GASK1A: variants seen among roughly 807,000 people sequenced by gnomAD.
The protein encoded by GASK1A is Golgi-associated kinase 1A.
Under a neutral mutation model 41.2 loss-of-function variants are expected in GASK1A, and 40 were observed. That is an observed-to-expected ratio of 0.97 (90% CI 0.75 to 1.27). GASK1A has a LOEUF of 1.27. GASK1A is among the 50% of genes most tolerant of loss of function. The pLI is 0.00. For synonymous variants in GASK1A, 316 were observed against 307.1 expected (o/e 1.03, Z -0.30); for missense variants, 678 against 745.1 (o/e 0.91, Z 1.05).
intron 1 of GASK1A, among the ~76,000 whole-genome samples, chr3:43,014,730 G>A (rs2089481227): frequency 6.6e-6 from 1 of 152,154 alleles, no homozygotes; most frequent in African/African-American, 2.4e-5. Context: ...GAAGTCACAG[G>A]CAGGGTTCTG....
chr3:43,033,457 G>A lies in GASK1A; in HGVS notation c.1194G>A (p.Leu398=). ...TGGGCTGGCTGCAGTATCAGGCCCT[G>A]CTGGCACACAGCTGCAACTGGCCAG... ...LALGWLQYQA[L]LAHSCNWPGQ... Residue 398 remains leucine (L), a synonymous_variant, in exon 2 of 5, where the codon CTG becomes CTA. Transcript: ENST00000430121. The A allele has an allele frequency of 1.3e-6, 2 of 1,551,124 alleles. No individual in the cohort carries two copies. The highest frequency in any genetic ancestry group is 1.7e-6 in the Non-Finnish European group (2 of 1,146,986).
At chr3:43,000,202 C>T (rs956301355) in intron 1 of GASK1A, among the ~76,000 whole-genome samples, 8 of 152,112 alleles carry the variant, frequency 5.3e-5, no homozygotes, top group African/African-American at 1.9e-4. Context: ...CCTGTGAGAG[C>T]GGTCAGGCTG....
intron 2 of GASK1A, among the ~76,000 whole-genome samples, chr3:43,042,716 A>C (rs1424971461): frequency 6.6e-6 from 1 of 152,050 alleles, no homozygotes; most frequent in Non-Finnish European, 1.5e-5. Context: ...TGATGTTTAA[A>C]ATTTAGGAGG....
intron 1 of GASK1A, among the ~76,000 whole-genome samples, chr3:43,030,331 G>A (rs1019650277): frequency 6.6e-5 from 10 of 152,298 alleles, no homozygotes; most frequent in East Asian, 5.8e-4. Flanking sequence ...TAATTGTAGA[G>A]GAAAGGGAAC....
intron 1 of GASK1A, among the ~76,000 whole-genome samples, chr3:43,019,757 A>AACACAC (rs148054172): frequency 1.3e-3 from 186 of 146,612 alleles, no homozygotes; most frequent in African/African-American, 2.0e-3. Context: ...TTCCGTTTTT[A>AACACAC]ACACACACAC....
intron 1 of GASK1A, among the ~76,000 whole-genome samples, chr3:42,981,476 G>A (rs1027840668): frequency 6.6e-6 from 1 of 152,206 alleles, no homozygotes; most frequent in African/African-American, 2.4e-5. Flanking sequence ...TGGGTGATAT[G>A]TGAATAATTT....
intron 1 of GASK1A, among the ~76,000 whole-genome samples, chr3:43,030,453 G>A (rs2089569135): frequency 6.6e-6 from 1 of 152,218 alleles, no homozygotes. Context: ...CAGTCCCGAA[G>A]AGCCCCAGGC....
chr3:43,033,472 C>T lies in GASK1A; in HGVS notation c.1209C>T (p.Cys403=). Residue 403 remains cysteine, a synonymous_variant, in exon 2 of 5, where the codon TGC becomes TGT. Coordinates refer to ENST00000430121, the MANE Select transcript of GASK1A (RefSeq NM_001129908.3). ...ATCAGGCCCTGCTGGCACACAGCTG[C>T]AACTGGCCAGGCCAGGCCCCGTGCC... The part of the protein sequence containing the change: ...LQYQALLAHS[C]NWPGQAPCPG... 6.4e-7 allele frequency: 1 copy of T among 1,550,902 alleles called. No homozygotes were observed. The highest frequency in any genetic ancestry group is 8.7e-7 in the Non-Finnish European group (1 of 1,146,958).
At chr3:43,030,441 C>T (rs183798996) in intron 1 of GASK1A, among the ~76,000 whole-genome samples, 39 of 152,310 alleles carry the variant, frequency 2.6e-4, no homozygotes, top group African/African-American at 7.7e-4. Flanking sequence ...GTGGATGCTG[C>T]GCAGTCCCGA....
At chr3:42,999,351 C>T (rs984733590) in intron 1 of GASK1A, among the ~76,000 whole-genome samples, 6 of 152,248 alleles carry the variant, frequency 3.9e-5, no homozygotes, top group Admixed American at 2.0e-4. Context: ...AGGCAGGCAC[C>T]TTCCACATGC....
At chr3:43,000,997 T>C (rs2089405929) in intron 1 of GASK1A, among the ~76,000 whole-genome samples, 1 of 152,168 alleles carries the variant, frequency 6.6e-6, no homozygotes, top group South Asian at 2.1e-4. Flanking sequence ...TGGAGATGCC[T>C]GGGTGCCTGT....
chr3:43,016,122 C>A (rs62247062), intron 1 of GASK1A, among the ~76,000 whole-genome samples: 57,586 of 148,738 alleles, frequency 0.39, 11,393 homozygotes, highest in Non-Finnish European at 0.45. Flanking sequence ...GTGTGAAGCC[C>A]CGGGAAGGGG....
At position 42,984,560 on chromosome 3, in the gene GASK1A, C is replaced by T. The variant is rs780434355; in HGVS notation, c.3+4915C>T. Among the ~76,000 whole-genome samples the T allele has an allele frequency of 6.6e-6, 1 of 152,042 alleles. No individual in the cohort carries two copies. The highest frequency in any genetic ancestry group is 1.5e-5 in the Non-Finnish European group (1 of 68,012). On this transcript the variant is annotated intron_variant, in intron 1 of 4. Transcript: ENST00000430121. This position sits in a 1 kb window ranked among gnomAD's most constrained non-coding sequence, Gnocchi z 4.2. ...AAGGAGGCTAAGAGTGGAAGGAAAGCAGGATGAGGGCTGATGTGAAGGGTG... is the reference window on the plus strand; with the variant it reads ...AAGGAGGCTAAGAGTGGAAGGAAAGTAGGATGAGGGCTGATGTGAAGGGTG...
In GASK1A at chr3:42,989,080, G is replaced by C. The variant is rs894325510; in HGVS notation, c.3+9435G>C. Among the ~76,000 whole-genome samples the C allele has an allele frequency of 2.6e-5, 4 of 152,202 alleles. No individual in the cohort carries two copies. The East Asian group carries it at 7.7e-4, about 29-fold the overall frequency. ...AGTCAAACCATAACATTAGCGGGCC[G>C]TAATTTCAAAAAGTGCAGGAGCCGC... On this transcript the variant is annotated intron_variant, in intron 1 of 4. Transcript: ENST00000430121.
At chr3:43,055,660 C>G in intron 4 of GASK1A, 125 bp downstream of exon 4, 1 of 713,234 alleles carries the variant, frequency 1.4e-6, no homozygotes, top group South Asian at 1.7e-5. Context: ...GTTATTGGAT[C>G]AGAACTTTAG....
In GASK1A at chr3:42,979,641, A is replaced by G; in HGVS notation, c.-2A>G. The G allele has an allele frequency of 8.0e-7, 1 of 1,244,730 alleles. No homozygotes were observed. Among genetic ancestry groups the G allele is most frequent in the East Asian group, 3.2e-5 (1 of 31,638 alleles). 77.1% of individuals were successfully genotyped at this position (1,244,730 alleles called of 1,614,324 possible). A position where few individuals can be genotyped will look rare whatever the true frequency, so the allele number is the denominator to read the frequency against. The stretch of plus-strand genomic sequence containing the variant: ...GGAGCCGGCCGGGGCACCGCCGGGG[A>G]CATGGTAGGACTCGCGGGAAGGAAC... On this transcript the variant is annotated 5_prime_UTR_variant, in exon 1 of 5. Transcript: ENST00000430121.
intron 1 of GASK1A, among the ~76,000 whole-genome samples, chr3:43,012,333 G>C (rs2089467907): frequency 1.3e-5 from 2 of 150,598 alleles, no homozygotes; most frequent in African/African-American, 2.5e-5. Flanking sequence ...GGAAGGGGCA[G>C]TGTGAAGCCA....
At position 43,056,275 on chromosome 3, in the gene GASK1A, C is replaced by T. The variant is rs748214902; in HGVS notation, c.1617C>T (p.Gly539=). Residue 539 remains glycine, a synonymous_variant, in exon 5 of 5, where the codon GGC becomes GGT. Transcript: ENST00000430121. ...ACCCAGTGTTCTGGGAAAGCCAAGGCGGAGCCCAGGGGCTGAAGCAGGTCC... is the reference window on the plus strand; with the variant it reads ...ACCCAGTGTTCTGGGAAAGCCAAGGTGGAGCCCAGGGGCTGAAGCAGGTCC... ...QMDPVFWESQ[G]GAQGLKQVLQ... is the part of the protein sequence containing the mutation. 32 of 1,551,536 alleles carry T rather than the reference C, an allele frequency of 2.1e-5. No individual in the cohort carries two copies. The African/African-American group carries it at 3.4e-4, about 17-fold the overall frequency.
intron 3 of GASK1A, chr3:43,053,974 T>C (rs2089704538): frequency 1.3e-5 from 5 of 390,856 alleles, no homozygotes; most frequent in Non-Finnish European, 2.4e-5. Context: ...GTCAACATCC[T>C]CGTTGTGCCA....
Sources: allele counts gnomAD v4.1 joint callset (sites outside exome capture counted in the v4.1 genomes callset), GRCh38; gene constraint gnomAD v4.1.1; non-coding constraint Gnocchi (gnomAD v3.1); transcripts MANE v1.5; gene names NCBI Gene and HGNC (gene_info 2026-07-23, HGNC 2026-07-21).